The following SV2C variants were observed in gnomAD, a reference collection of about 807,000 sequenced individuals.
SV2C encodes solute carrier family 22 member B3.
Under a neutral mutation model 79.7 loss-of-function variants are expected in SV2C, and 49 were observed. That is an observed-to-expected ratio of 0.61 (90% CI 0.49 to 0.78). SV2C has a LOEUF of 0.78. Ranked by LOEUF, SV2C falls within the 30% of genes least tolerant of loss-of-function variation. SV2C has a pLI of 0.00. For missense variants in SV2C, 833 were observed against 912.9 expected (o/e 0.91, Z 1.13); for synonymous variants, 334 against 333.2 (o/e 1.00, Z -0.03).
the SV2C span, among the ~76,000 whole-genome samples, chr5:76,036,973 T>G: frequency 0.021 from 3,193 of 152,310 alleles, 44 homozygotes; most frequent in South Asian, 0.049. Flanking sequence ...TAAACTTCCC[T>G]TCTTGCTTCA....
chr5:76,037,221 G>A, the SV2C span, among the ~76,000 whole-genome samples: 12 of 152,166 alleles, frequency 7.9e-5, no homozygotes, highest in South Asian at 6.2e-4. Context: ...TAATTTGATC[G>A]TCTGAAGCCT....
chr5:76,148,072 A>G (rs867470114), intron 2 of SV2C, among the ~76,000 whole-genome samples: 6 of 152,198 alleles, frequency 3.9e-5, no homozygotes, highest in South Asian at 4.1e-4. Flanking sequence ...ATTAAATAAG[A>G]GCAAATAGTT....
At chr5:76,199,710 G>C (rs1190238227) in intron 3 of SV2C, among the ~76,000 whole-genome samples, 1 of 152,208 alleles carries the variant, frequency 6.6e-6, no homozygotes, top group Non-Finnish European at 1.5e-5. Flanking sequence ...GCAGCCATCT[G>C]TGTCATTGGC....
chr5:75,892,406 A>G, the SV2C span, among the ~76,000 whole-genome samples: 3 of 151,946 alleles, frequency 2.0e-5, no homozygotes, highest in African/African-American at 7.2e-5. Context: ...GCTATGAAAT[A>G]TCAAACTTAC....
At chr5:76,127,920 T>C (rs1356409431) in intron 1 of SV2C, among the ~76,000 whole-genome samples, 1 of 152,108 alleles carries the variant, frequency 6.6e-6, no homozygotes, top group African/African-American at 2.4e-5. Context: ...CATCGCTCCC[T>C]CCCGCCCTGC....
At chr5:76,314,249 G>A (rs2937742) in intron 12 of SV2C, among the ~76,000 whole-genome samples, 14,390 of 152,194 alleles carry the variant, frequency 0.095, 741 homozygotes, top group Admixed American at 0.14. Flanking sequence ...CAGCCTCCCA[G>A]CTTTCCAGAG....
intron 2 of SV2C, among the ~76,000 whole-genome samples, chr5:76,181,362 G>A (rs1743716596): frequency 6.6e-6 from 1 of 152,216 alleles, no homozygotes; most frequent in Non-Finnish European, 1.5e-5. Flanking sequence ...TTTACAGAAA[G>A]TCTGCCAGTC....
intron 4 of SV2C, among the ~76,000 whole-genome samples, chr5:76,210,367 C>A (rs1411826954): frequency 1.3e-5 from 2 of 152,178 alleles, no homozygotes; most frequent in Non-Finnish European, 2.9e-5. Flanking sequence ...GGTTCCTATA[C>A]CCCCCACCCT....
At chr5:76,291,359 C>A (rs752539912) in intron 7 of SV2C, 28 bp downstream of exon 7, 6 of 1,534,726 alleles carry the variant, frequency 3.9e-6, no homozygotes, top group Non-Finnish European at 5.3e-6. Context: ...TGATGACCTG[C>A]ATGTTAATTT....
chr5:76,243,868 A>G (rs545590979), intron 4 of SV2C, among the ~76,000 whole-genome samples: 2 of 152,148 alleles, frequency 1.3e-5, no homozygotes, highest in Non-Finnish European at 2.9e-5. Context: ...ACATGCAGCC[A>G]CACTGGCCTT....
the SV2C span, among the ~76,000 whole-genome samples, chr5:75,948,297 A>T: frequency 0.13 from 20,422 of 152,068 alleles, 1,948 homozygotes; most frequent in African/African-American, 0.26. Context: ...ATGTTTGGGA[A>T]TGATAATTAA....
At chr5:76,073,510 T>C in the SV2C span, among the ~76,000 whole-genome samples, 4 of 71,794 alleles carry the variant, frequency 5.6e-5, no homozygotes, top group African/African-American at 2.7e-4. Context: ...TGTGTATATA[T>C]ATATATATAT....
At chr5:75,854,103 A>C in the SV2C span, among the ~76,000 whole-genome samples, 3 of 151,652 alleles carry the variant, frequency 2.0e-5, no homozygotes, top group Admixed American at 2.0e-4. Flanking sequence ...CCTTTTAAAA[A>C]TTTCATATAA....
intron 4 of SV2C, among the ~76,000 whole-genome samples, chr5:76,258,919 G>T (rs1746380503): frequency 6.6e-6 from 1 of 152,138 alleles, no homozygotes; most frequent in Non-Finnish European, 1.5e-5. Context: ...GAGCCTTCTG[G>T]CTTCTTTCAC....
At chr5:75,972,078 G>T in the SV2C span, among the ~76,000 whole-genome samples, 120 of 152,254 alleles carry the variant, frequency 7.9e-4, 2 homozygotes, top group Middle Eastern at 6.8e-3. Context: ...AATGGGGAAA[G>T]GATTCCCTCT....
the SV2C span, among the ~76,000 whole-genome samples, chr5:75,984,884 C>G: frequency 2.0e-5 from 3 of 152,152 alleles, no homozygotes; most frequent in Non-Finnish European, 4.4e-5. Flanking sequence ...CTAAAATAAT[C>G]TCCTTTGCTT....
chr5:76,092,669 CT>C (rs1747417565), intron 1 of SV2C, among the ~76,000 whole-genome samples: 1 of 152,150 alleles, frequency 6.6e-6, no homozygotes, highest in South Asian at 2.1e-4. Context: ...ACATTTTTCA[CT>C]CTACTCGACT....
intron 1 of SV2C, among the ~76,000 whole-genome samples, chr5:76,109,602 G>A (rs1459337457): frequency 1.3e-5 from 2 of 152,184 alleles, no homozygotes; most frequent in African/African-American, 4.8e-5. Flanking sequence ...TAAGGTCATT[G>A]GGGTGGGCAC....
chr5:75,899,119 T>C, the SV2C span, among the ~76,000 whole-genome samples: 1 of 152,212 alleles, frequency 6.6e-6, no homozygotes, highest in African/African-American at 2.4e-5. Context: ...AGCTTTTGAA[T>C]GTGTTTGCTC....
Sources: gnomAD v4.1 joint callset for allele counts (sites outside exome capture counted in the v4.1 genomes callset) on GRCh38, gnomAD v4.1.1 for gene constraint, MANE v1.5 for transcripts, NCBI Gene and HGNC (gene_info 2026-07-23, HGNC 2026-07-21) for gene names.